Variants in AP4E1 observed in about 807,000 individuals in gnomAD.
AP4E1 encodes the protein AP-4 complex subunit epsilon-1.
A neutral mutation model predicts 128.2 loss-of-function variants in AP4E1; 56 were observed. That is an observed-to-expected ratio of 0.44 (90% CI 0.35 to 0.55). AP4E1 has a LOEUF of 0.55. AP4E1 is among the 20% of genes least tolerant of loss of function. The pLI is 0.00. For synonymous variants in AP4E1, 484 were observed against 473.1 expected (o/e 1.02, Z -0.30); for missense variants, 1,324 against 1,307.7 (o/e 1.01, Z -0.19).
intron 13 of AP4E1, among the ~76,000 whole-genome samples, chr15:50,950,380 T>C (rs1318588324): frequency 6.6e-6 from 1 of 152,180 alleles, no homozygotes; most frequent in East Asian, 1.9e-4. Flanking sequence ...GGTATTTACT[T>C]GTCTCTTTGT....
At chr15:50,954,762 G>A (rs1192075503) in intron 13 of AP4E1, among the ~76,000 whole-genome samples, 3 of 152,144 alleles carry the variant, frequency 2.0e-5, no homozygotes, top group African/African-American at 7.2e-5. Flanking sequence ...TGTTACATAT[G>A]TATACATGTG....
chr15:50,964,569 CAT>C (rs143524830), intron 14 of AP4E1, among the ~76,000 whole-genome samples: 1,795 of 151,998 alleles, frequency 0.012, 35 homozygotes, highest in African/African-American at 0.042. Context: ...CTCACATTGA[CAT>C]ATGTGTATCT....
intron 1 of AP4E1, among the ~76,000 whole-genome samples, chr15:50,910,002 T>C (rs1422761277): frequency 6.6e-6 from 1 of 151,882 alleles, no homozygotes; most frequent in Non-Finnish European, 1.5e-5. Context: ...TTTTAAATTT[T>C]TAATGACGGA....
chr15:50,986,816 G>A (rs2064731762), intron 16 of AP4E1, among the ~76,000 whole-genome samples: 2 of 152,182 alleles, frequency 1.3e-5, no homozygotes, highest in South Asian at 4.1e-4. Context: ...GATGATGCTG[G>A]CCTCATAAAA....
rs574322439 is a variant in AP4E1, at chr15:50,942,844, A to G, written c.1176+1069A>G. On this transcript the variant is annotated intron_variant, in intron 10 of 20. Transcript: ENST00000261842. Reference sequence around the variant, plus strand: ...TTCAAATGGTATATGGGACCTAGTTAAGAGTAAAAAATTCTGTTTATAAAA... The same window carrying G: ...TTCAAATGGTATATGGGACCTAGTTGAGAGTAAAAAATTCTGTTTATAAAA... Among the ~76,000 whole-genome samples the G allele has an allele frequency of 7.2e-5, 11 of 152,080 alleles. No homozygotes were observed. In the East Asian group the frequency reaches 1.9e-3, roughly 27 times the overall value.
In AP4E1 at chr15:50,938,766, C is replaced by A. The variant is rs140149108; in HGVS notation, c.944-2676C>A. Among the ~76,000 whole-genome samples, 141 of 152,154 alleles carry A rather than the reference C, an allele frequency of 9.3e-4. 1 individual carries two copies. Among genetic ancestry groups the A allele is most frequent in the Admixed American group, 3.2e-3 (49 of 15,272 alleles). On this transcript the variant is annotated intron_variant, in intron 8 of 20. Transcript: ENST00000261842. ...ACAAAGGAAGCAGTAATGAGGTACCCCTCTCTCTCCCAGGCAGGGTAGAAT... is the reference window on the plus strand; with the variant it reads ...ACAAAGGAAGCAGTAATGAGGTACCACTCTCTCTCCCAGGCAGGGTAGAAT...
At chr15:50,984,247 T>C (rs1283746471) in intron 16 of AP4E1, 102 bp downstream of exon 16, 1 of 1,399,656 alleles carries the variant, frequency 7.1e-7, no homozygotes, top group Middle Eastern at 1.8e-4. Flanking sequence ...ATGGTCATTA[T>C]TTGCTTATTT....
intron 2 of AP4E1, among the ~76,000 whole-genome samples, chr15:50,915,161 C>T (rs1031543591): frequency 1.3e-5 from 2 of 152,044 alleles, no homozygotes. Flanking sequence ...CACATTATAA[C>T]CAAATTTTTC....
chr15:50,908,047 C>G (rs1277869518), upstream of AP4E1, among the ~76,000 whole-genome samples: 1 of 152,210 alleles, frequency 6.6e-6, no homozygotes, highest in Non-Finnish European at 1.5e-5. Context: ...CAACTGCGAC[C>G]TGCTGAGGAG....
At chr15:51,001,941 C>T (rs1036415889) in intron 20 of AP4E1, among the ~76,000 whole-genome samples, 5 of 151,918 alleles carry the variant, frequency 3.3e-5, no homozygotes, top group Non-Finnish European at 5.9e-5. Context: ...TACAGTGGTG[C>T]GATCTGAGCT....
intron 2 of AP4E1, among the ~76,000 whole-genome samples, chr15:50,914,170 T>G (rs570175752): frequency 6.6e-6 from 1 of 152,320 alleles, no homozygotes; most frequent in African/African-American, 2.4e-5. Context: ...TTTACTGCTT[T>G]AAGCACAAGT....
At chr15:50,931,091 T>A in intron 7 of AP4E1, 120 bp downstream of exon 7, 1 of 1,236,958 alleles carries the variant, frequency 8.1e-7, no homozygotes, top group Non-Finnish European at 1.2e-6. Flanking sequence ...GGCTTAATAG[T>A]GATAAAAGAA....
chr15:50,966,010 C>T (rs577181809), intron 14 of AP4E1, among the ~76,000 whole-genome samples: 9 of 152,204 alleles, frequency 5.9e-5, no homozygotes, highest in African/African-American at 1.2e-4. Context: ...CTCTGCCTCC[C>T]GGGTTCAAGT....
intron 13 of AP4E1, among the ~76,000 whole-genome samples, chr15:50,953,289 T>G (rs1052315603): frequency 6.6e-6 from 1 of 152,198 alleles, no homozygotes; most frequent in African/African-American, 2.4e-5. Context: ...TTAATTTAGA[T>G]TGTCTTTTAT....
chr15:50,994,928 C>G (rs2064849204), intron 17 of AP4E1, among the ~76,000 whole-genome samples: 1 of 152,048 alleles, frequency 6.6e-6, no homozygotes, highest in Non-Finnish European at 1.5e-5. Context: ...TTTTGACTTA[C>G]CCCTTATAAT....
chr15:50,984,178 G>A (rs1305973054), intron 16 of AP4E1, 33 bp downstream of exon 16: 5 of 1,610,868 alleles, frequency 3.1e-6, no homozygotes, highest in Non-Finnish European at 3.4e-6. Flanking sequence ...TTGAGGTTAT[G>A]GGAGTGCTTA....
intron 15 of AP4E1, among the ~76,000 whole-genome samples, chr15:50,970,771 T>C (rs1035576460): frequency 7.2e-5 from 11 of 152,324 alleles, no homozygotes; most frequent in African/African-American, 2.2e-4. Context: ...GTGAGTTTCT[T>C]GTAGGCAGTG....
At chr15:50,977,914 G>T (rs1417077194) in intron 15 of AP4E1, among the ~76,000 whole-genome samples, 3 of 151,898 alleles carry the variant, frequency 2.0e-5, no homozygotes, top group Admixed American at 6.6e-5. Flanking sequence ...TTCACCTGTT[G>T]CCCAGGCTGG....
chr15:50,997,216 T>A, intron 17 of AP4E1, 110 bp from the exon 18 acceptor site: 1 of 995,044 alleles, frequency 1.0e-6, no homozygotes, highest in Non-Finnish European at 1.4e-6. Flanking sequence ...TCTTTATAGA[T>A]AGAACCTTAG....
Sources: gnomAD v4.1 joint callset for allele counts (sites outside exome capture counted in the v4.1 genomes callset) on GRCh38, gnomAD v4.1.1 for gene constraint, MANE v1.5 for transcripts, NCBI Gene and HGNC (gene_info 2026-07-23, HGNC 2026-07-21) for gene names.